Variants in TRIP12 observed in about 807,000 individuals in gnomAD.
TRIP12 encodes the protein E3 ubiquitin-protein ligase TRIP12.
TRIP12 carries 25 observed loss-of-function variants against 244.2 expected under a neutral mutation model. The ratio of observed to expected loss-of-function variants is 0.10; its 90% CI spans 0.07 to 0.14. The LOEUF (loss-of-function observed/expected upper bound fraction) is 0.14. Ranked by LOEUF, TRIP12 falls within the 10% of genes least tolerant of loss-of-function variation. The pLI, the probability that TRIP12 is intolerant of heterozygous loss-of-function variation, is 1.00. For synonymous variants in TRIP12, 905 were observed against 873.1 expected, an observed-to-expected ratio of 1.04 and a Z score of -0.64; for missense variants, 1,677 against 2,486.4, an observed-to-expected ratio of 0.67 and a Z score of 6.92.
chr2:229,890,718 T>A (rs1057051367), intron 1 of TRIP12, among the ~76,000 whole-genome samples: 2 of 152,196 alleles, frequency 1.3e-5, no homozygotes, highest in Non-Finnish European at 1.5e-5. Flanking sequence ...TAATTATACC[T>A]AAATTCATTT....
rs148709701 is a variant in TRIP12 at position 229,899,926 on chromosome 2, C to T, written c.-49-19798G>A. Among the ~76,000 whole-genome samples, 435 of 152,256 alleles carry T rather than the reference C, an allele frequency of 2.9e-3. 7 individuals are homozygous for T. Among genetic ancestry groups the T allele is most frequent in the African/African-American group, 7.9e-3 (330 of 41,544 alleles). On this transcript the variant is annotated intron_variant, in intron 1 of 41. Transcript: ENST00000675903. ...TACACAATTCACACCTATAATCTTC[C>T]AAACAAACTGCATACCAAATATATA... is the stretch of plus-strand genomic sequence containing the variant.
chr2:229,871,232 A>G (rs2062545396), intron 2 of TRIP12, among the ~76,000 whole-genome samples: 1 of 151,690 alleles, frequency 6.6e-6, no homozygotes, highest in Non-Finnish European at 1.5e-5. Flanking sequence ...AGGAAAGAAA[A>G]GAAGAAAGAA....
In TRIP12 at chr2:229,860,475, G is replaced by T. The variant is rs1244214587; in HGVS notation, c.155C>A (p.Ser52Tyr). 1 of 1,612,104 alleles carries T rather than the reference G, an allele frequency of 6.2e-7. No homozygotes were observed. The change falls in exon 3 of 42, where the codon TCT becomes TAT. Residue 52 changes from serine to tyrosine, a missense_variant. Physicochemically the swap from Ser to Tyr is moderately radical, Grantham distance 144 (BLOSUM62 -2). This residue lies in a region of TRIP12 where 387 missense variants were observed against 392.6 expected (regional missense o/e 0.99). Transcript: ENST00000675903. ...CTGCACTTTGGGTGCCTTAGAATTA[G>T]ATTTTCTACTCTCAGGAGGGCTATA... ...KGYSPPESRK[S>Y]NSKAPKVQSN...
At chr2:229,779,249 C>T (rs1559344586) in intron 34 of TRIP12, among the ~76,000 whole-genome samples, 1 of 152,024 alleles carries the variant, frequency 6.6e-6, no homozygotes, top group Non-Finnish European at 1.5e-5. Flanking sequence ...AGAAGTGCCA[C>T]TGTGGCTACA....
chr2:229,774,014 G>C, intron 38 of TRIP12, 83 bp downstream of exon 38: 2 of 1,444,340 alleles, frequency 1.4e-6, no homozygotes, highest in Non-Finnish European at 1.9e-6. Flanking sequence ...AAGCCATAGC[G>C]TGTGCAGCCA....
intron 1 of TRIP12, among the ~76,000 whole-genome samples, chr2:229,920,956 A>G (rs796592154): frequency 3.3e-5 from 5 of 152,308 alleles, no homozygotes; most frequent in African/African-American, 1.2e-4. Flanking sequence ...TGTAATCCAC[A>G]TATAAATAAA....
chr2:229,838,405 G>A (rs1395275370), intron 5 of TRIP12, among the ~76,000 whole-genome samples: 1 of 152,196 alleles, frequency 6.6e-6, no homozygotes, highest in Non-Finnish European at 1.5e-5. Flanking sequence ...CCAAGGCACT[G>A]TATATAAGCA....
intron 1 of TRIP12, among the ~76,000 whole-genome samples, chr2:229,912,377 G>A (rs1196326849): frequency 6.6e-6 from 1 of 151,888 alleles, no homozygotes; most frequent in East Asian, 1.9e-4. Flanking sequence ...ACCTATTCAG[G>A]GATCAACAAT....
intron 1 of TRIP12, among the ~76,000 whole-genome samples, chr2:229,881,468 A>G (rs1036155763): frequency 6.6e-6 from 1 of 152,244 alleles, no homozygotes; most frequent in Non-Finnish European, 1.5e-5. Context: ...ATTAATCATA[A>G]TTAAATCTAT....
In TRIP12 at chr2:229,855,498, A is replaced by G. The variant is rs2059435395; in HGVS notation, c.1027+3274T>C. 7.9e-5 allele frequency among the ~76,000 whole-genome samples: 12 copies of G among 152,002 alleles called. No individual in the cohort carries two copies. In the South Asian group the frequency reaches 2.1e-3, roughly 26 times the overall value. On this transcript the variant is annotated intron_variant, in intron 4 of 41. Coordinates refer to ENST00000675903, the MANE Select transcript of TRIP12 (RefSeq NM_001348323.3). ...GTATTCATCTCTAAATTTAATCAAT[A>G]CTATCAATGAAGGACCAAATAACAT...
intron 22 of TRIP12, 59 bp from the exon 23 acceptor site, chr2:229,799,108 C>T (rs187156618): frequency 1.1e-5 from 18 of 1,590,632 alleles, no homozygotes; most frequent in Admixed American, 3.5e-5. Flanking sequence ...TGAAAAACAA[C>T]TGATTTTTAA....
intron 4 of TRIP12, among the ~76,000 whole-genome samples, chr2:229,841,808 T>C (rs1001504033): frequency 6.6e-6 from 1 of 152,212 alleles, no homozygotes; most frequent in African/African-American, 2.4e-5. Context: ...TTTCAGGAAG[T>C]TTTAATTTTG....
At chr2:229,769,756 G>A (rs2033491542) in intron 39 of TRIP12, among the ~76,000 whole-genome samples, 1 of 152,164 alleles carries the variant, frequency 6.6e-6, no homozygotes, top group African/African-American at 2.4e-5. Flanking sequence ...GGAGAAAGAA[G>A]TGGGAGAAGC....
intron 4 of TRIP12, among the ~76,000 whole-genome samples, chr2:229,854,709 T>A (rs548858196): frequency 5.3e-5 from 8 of 152,336 alleles, no homozygotes; most frequent in African/African-American, 1.4e-4. Context: ...TGCCAATTAA[T>A]TCTATTGTAA....
intron 15 of TRIP12, among the ~76,000 whole-genome samples, chr2:229,809,893 T>C (rs547644324): frequency 1.3e-5 from 2 of 152,326 alleles, no homozygotes; most frequent in African/African-American, 2.4e-5. Flanking sequence ...TACTGCTAAA[T>C]ATACTGTCTC....
intron 13 of TRIP12, among the ~76,000 whole-genome samples, chr2:229,813,195 C>T (rs2154280647): frequency 6.6e-6 from 1 of 152,294 alleles, no homozygotes; most frequent in South Asian, 2.1e-4. Flanking sequence ...AACCCATATT[C>T]TCCTGCTCCC....
At chr2:229,811,087 C>G in intron 14 of TRIP12, 42 bp from the exon 15 acceptor site, 1 of 1,613,496 alleles carries the variant, frequency 6.2e-7, no homozygotes, top group South Asian at 1.1e-5. Flanking sequence ...CATCAAGATT[C>G]AGCAATTCAA....
intron 33 of TRIP12, among the ~76,000 whole-genome samples, chr2:229,786,150 C>T (rs909491937): frequency 6.6e-6 from 1 of 152,128 alleles, no homozygotes; most frequent in Non-Finnish European, 1.5e-5. Flanking sequence ...TGCCAAATAT[C>T]AGTGCAATTC....
chr2:229,795,541 A>G (rs2042595648), intron 25 of TRIP12, among the ~76,000 whole-genome samples: 1 of 152,232 alleles, frequency 6.6e-6, no homozygotes, highest in South Asian at 2.1e-4. Flanking sequence ...TGTATTCACA[A>G]TCTCTACATC....
Sources: allele counts gnomAD v4.1 joint callset (sites outside exome capture counted in the v4.1 genomes callset), GRCh38; gene constraint gnomAD v4.1.1; regional missense constraint gnomAD v4.1.1; transcripts MANE v1.5; gene names NCBI Gene and HGNC (gene_info 2026-07-23, HGNC 2026-07-21).